The following GABRB2 variants were observed in gnomAD, a reference collection of about 807,000 sequenced individuals.
GABRB2 encodes gamma-aminobutyric acid type A receptor subunit beta2, also known as gamma-aminobutyric acid receptor subunit beta-2.
Under a neutral mutation model 54.7 loss-of-function variants are expected in GABRB2, and 16 were observed. The ratio of observed to expected loss-of-function variants is 0.29; its 90% CI spans 0.20 to 0.44. The LOEUF is 0.44. GABRB2 is among the 20% of genes least tolerant of loss of function. The pLI, the probability that GABRB2 is intolerant of heterozygous loss-of-function variation, is 1.00. For synonymous variants in GABRB2, 244 were observed against 233.8 expected (o/e 1.04, Z -0.40); for missense variants, 355 against 644.0 (o/e 0.55, Z 4.86).
At position 161,454,002 on chromosome 5, in the gene GABRB2, C is replaced by A. The variant is rs1757870866; in HGVS notation, c.458+5622G>T. On this transcript the variant is annotated intron_variant, in intron 4 of 9. Coordinates refer to ENST00000393959, the MANE Select transcript of GABRB2 (RefSeq NM_001371727.1). ...GCAGTGAGCCGAGATTGCACTACTGCACTCCAGCCTTGGAGACAGAGTGAG... is the reference window on the plus strand; with the variant it reads ...GCAGTGAGCCGAGATTGCACTACTGAACTCCAGCCTTGGAGACAGAGTGAG... Among the ~76,000 whole-genome samples the A allele has an allele frequency of 2.7e-5, 4 of 149,486 alleles. No homozygotes were observed. The South Asian group carries it at 8.5e-4, about 32-fold the overall frequency.
At chr5:161,468,017 G>T (rs1758327326) in intron 3 of GABRB2, among the ~76,000 whole-genome samples, 1 of 152,018 alleles carries the variant, frequency 6.6e-6, no homozygotes, top group South Asian at 2.1e-4. Context: ...TAATTCAGCA[G>T]CAAGTTTTGA....
intron 4 of GABRB2, among the ~76,000 whole-genome samples, chr5:161,454,113 G>A (rs1365911421): frequency 6.6e-6 from 1 of 151,758 alleles, no homozygotes; most frequent in African/African-American, 2.4e-5. Flanking sequence ...TAAGAAAATG[G>A]AGGAGTGATA....
chr5:161,382,346 T>C (rs888687028), intron 5 of GABRB2, among the ~76,000 whole-genome samples: 2 of 152,186 alleles, frequency 1.3e-5, no homozygotes, highest in Non-Finnish European at 2.9e-5. Flanking sequence ...CTCATCAGAC[T>C]GAGGGGGTAC....
intron 4 of GABRB2, chr5:161,459,299 T>C (rs1758052531): frequency 3.1e-6 from 1 of 318,242 alleles, no homozygotes; most frequent in South Asian, 3.5e-5. Context: ...AAACAATTAG[T>C]TGGCATTCAC....
At chr5:161,536,969 C>T (rs919712685) in intron 3 of GABRB2, among the ~76,000 whole-genome samples, 5 of 152,076 alleles carry the variant, frequency 3.3e-5, no homozygotes, top group African/African-American at 1.2e-4. Context: ...AAAGTGTAGT[C>T]TTCGACCACC....
chr5:161,441,071 G>GT (rs2113208582), intron 4 of GABRB2, among the ~76,000 whole-genome samples: 1 of 152,268 alleles, frequency 6.6e-6, no homozygotes, highest in South Asian at 2.1e-4. Context: ...TTCGTGAGCA[G>GT]TACCTGCAAG....
intron 9 of GABRB2, among the ~76,000 whole-genome samples, chr5:161,296,989 C>T (rs1431397928): frequency 6.6e-6 from 1 of 152,054 alleles, no homozygotes; most frequent in Non-Finnish European, 1.5e-5. Flanking sequence ...TATGACATGC[C>T]ATAGATGAAG....
intron 5 of GABRB2, among the ~76,000 whole-genome samples, chr5:161,339,886 AT>A (rs748132656): frequency 1.3e-5 from 2 of 151,962 alleles, no homozygotes; most frequent in East Asian, 1.9e-4. Context: ...CAAAGAAAGC[AT>A]TTTTTTCCCA....
chr5:161,363,446 G>A lies in GABRB2; in HGVS notation c.542-26677C>T, dbSNP rs866999742. Among the ~76,000 whole-genome samples the A allele has an allele frequency of 9.2e-5, 14 of 152,200 alleles. No individual in the cohort carries two copies. The South Asian group carries it at 2.9e-3, about 32-fold the overall frequency. On this transcript the variant is annotated intron_variant, in intron 5 of 9. Coordinates refer to ENST00000393959, the MANE Select transcript of GABRB2 (RefSeq NM_001371727.1). ...TAATGCAGATGACGGGTTGATGGGT[G>A]CAGCAACCCACCATGGCATGTGTAT...
At chr5:161,397,822 A>G (rs1412575515) in intron 5 of GABRB2, among the ~76,000 whole-genome samples, 2 of 152,198 alleles carry the variant, frequency 1.3e-5, no homozygotes, top group Non-Finnish European at 2.9e-5. Flanking sequence ...GCTGATTGAG[A>G]GCATGACACC....
intron 5 of GABRB2, among the ~76,000 whole-genome samples, chr5:161,366,671 C>G (rs565716760): frequency 1.3e-5 from 2 of 152,098 alleles, no homozygotes; most frequent in Non-Finnish European, 2.9e-5. Flanking sequence ...CAAGGCCAGG[C>G]GTGATGGCTC....
chr5:161,337,791 A>C (rs1331675719), intron 5 of GABRB2, among the ~76,000 whole-genome samples: 1 of 150,588 alleles, frequency 6.6e-6, no homozygotes, highest in Non-Finnish European at 1.5e-5. Context: ...CCCACCCTCC[A>C]AAAAAAAACC....
In GABRB2 at chr5:161,395,564, G is replaced by A. The variant is rs552510560; in HGVS notation, c.541+15411C>T. Among the ~76,000 whole-genome samples the A allele has an allele frequency of 7.1e-4, 108 of 152,192 alleles. 1 individual carries two copies. The Middle Eastern group carries it at 0.01, about 14-fold the overall frequency. On this transcript the variant is annotated intron_variant, in intron 5 of 9. Coordinates refer to ENST00000393959, the MANE Select transcript of GABRB2 (RefSeq NM_001371727.1). ...TTATGAAATAACACATATAAGTATC[G>A]CAATTGTGCAAACTCCTGTGAAGAA...
At chr5:161,403,298 G>A (rs994144897) in intron 5 of GABRB2, among the ~76,000 whole-genome samples, 14 of 152,084 alleles carry the variant, frequency 9.2e-5, no homozygotes, top group East Asian at 3.9e-4. Context: ...AAGTGCAGGA[G>A]GCTCAGATGA....
At chr5:161,366,771 C>A (rs1465115082) in intron 5 of GABRB2, among the ~76,000 whole-genome samples, 1 of 152,140 alleles carries the variant, frequency 6.6e-6, no homozygotes, top group Non-Finnish European at 1.5e-5. Flanking sequence ...CATGGCAAAA[C>A]CCCGTCTCTA....
chr5:161,481,604 T>C (rs1243520581), intron 3 of GABRB2, among the ~76,000 whole-genome samples: 1 of 152,006 alleles, frequency 6.6e-6, no homozygotes, highest in Admixed American at 6.6e-5. Flanking sequence ...GTATCTAGCC[T>C]CATCCAGAGC....
At chr5:161,401,547 A>G (rs745812066) in intron 5 of GABRB2, among the ~76,000 whole-genome samples, 1 of 152,188 alleles carries the variant, frequency 6.6e-6, no homozygotes, top group East Asian at 1.9e-4. Flanking sequence ...CTGCACTGCT[A>G]TAAGATCTGT....
chr5:161,510,939 A>G (rs1476130307), intron 3 of GABRB2, among the ~76,000 whole-genome samples: 1 of 151,970 alleles, frequency 6.6e-6, no homozygotes, highest in Non-Finnish European at 1.5e-5. Context: ...TCATAATCAC[A>G]TTCTTTCTAT....
At chr5:161,344,627 G>C (rs1293204953) in intron 5 of GABRB2, among the ~76,000 whole-genome samples, 3 of 151,934 alleles carry the variant, frequency 2.0e-5, no homozygotes, top group African/African-American at 7.3e-5. Flanking sequence ...CATTGTGGGA[G>C]ACAGTGTGGC....
Sources: gnomAD v4.1 joint callset for allele counts (sites outside exome capture counted in the v4.1 genomes callset) on GRCh38, gnomAD v4.1.1 for gene constraint, MANE v1.5 for transcripts, NCBI Gene and HGNC (gene_info 2026-07-23, HGNC 2026-07-21) for gene names.